The following PCSK5 variants were observed in gnomAD, a reference collection of about 807,000 sequenced individuals.
The protein encoded by PCSK5 is proprotein convertase subtilisin/kexin type 5.
Under a neutral mutation model 233.2 loss-of-function variants are expected in PCSK5, and 129 were observed. The ratio of observed to expected loss-of-function variants is 0.55; its 90% CI spans 0.48 to 0.64. PCSK5 has a LOEUF of 0.64. Ranked by LOEUF, PCSK5 falls within the 30% of genes least tolerant of loss-of-function variation. The pLI is 0.00. For missense variants in PCSK5, 2,076 were observed against 2,430.1 expected (o/e 0.85, Z 3.06); for synonymous variants, 825 against 879.2 (o/e 0.94, Z 1.09).
chr9:75,928,055 C>T (rs1423213851), intron 1 of PCSK5, among the ~76,000 whole-genome samples: 1 of 152,096 alleles, frequency 6.6e-6, no homozygotes, highest in Admixed American at 6.5e-5. Flanking sequence ...AAAAACTTGA[C>T]AGAATTAGGA....
chr9:76,338,160 A>G, intron 34 of PCSK5, 70 bp from the exon 35 acceptor site: 1 of 1,110,684 alleles, frequency 9.0e-7, no homozygotes, highest in Middle Eastern at 2.8e-4. Context: ...CCTGACCACC[A>G]TGTTTTTCCA....
At chr9:76,188,256 C>T (rs1824196669) in intron 17 of PCSK5, among the ~76,000 whole-genome samples, 1 of 152,118 alleles carries the variant, frequency 6.6e-6, no homozygotes, top group Non-Finnish European at 1.5e-5. Flanking sequence ...TTTTGTCAAT[C>T]AAATACTTTT....
At chr9:76,126,469 T>C (rs7038414) in intron 9 of PCSK5, among the ~76,000 whole-genome samples, 71,195 of 151,618 alleles carry the variant, frequency 0.47, 17,080 homozygotes, top group Admixed American at 0.52. Context: ...CAAAATTAGC[T>C]AGGCGTGATG....
intron 5 of PCSK5, among the ~76,000 whole-genome samples, chr9:76,042,755 TC>T (rs1272911752): frequency 2.6e-5 from 4 of 152,190 alleles, no homozygotes; most frequent in African/African-American, 9.6e-5. Flanking sequence ...TAAGAAGCAC[TC>T]CACTCCCACC....
At chr9:76,014,669 C>T (rs1271578135) in intron 3 of PCSK5, among the ~76,000 whole-genome samples, 5 of 152,120 alleles carry the variant, frequency 3.3e-5, no homozygotes, top group Non-Finnish European at 5.9e-5. Flanking sequence ...GCTATGTTAC[C>T]GCCCTTCTGA....
chr9:75,925,121 T>C (rs901875550), intron 1 of PCSK5, among the ~76,000 whole-genome samples: 6 of 152,210 alleles, frequency 3.9e-5, no homozygotes, highest in Non-Finnish European at 7.3e-5. Context: ...GTTCAGTGAT[T>C]TGAAGAAATC....
At position 76,350,360 on chromosome 9, in the gene PCSK5, C is replaced by A. The variant is rs1386787845; in HGVS notation, c.4967-468C>A. Among the ~76,000 whole-genome samples, 7 of 152,092 alleles carry A rather than the reference C, an allele frequency of 4.6e-5. No homozygotes were observed. The East Asian group carries it at 1.3e-3, about 29-fold the overall frequency. ...ATCACCACCCCAAAATTAAGAACCA[C>A]CAAACAAAATGATCTGCTGAGTCCT... is the stretch of plus-strand genomic sequence containing the variant. On this transcript the variant is annotated intron_variant, in intron 35 of 37. Transcript: ENST00000674117.
chr9:76,311,254 G>C (rs1420389599), intron 30 of PCSK5, among the ~76,000 whole-genome samples: 2 of 151,932 alleles, frequency 1.3e-5, no homozygotes, highest in African/African-American at 4.8e-5. Context: ...CTACTTGGGA[G>C]GCTAAGGTGG....
intron 24 of PCSK5, among the ~76,000 whole-genome samples, chr9:76,279,559 T>A (rs1469823897): frequency 6.6e-6 from 1 of 151,932 alleles, no homozygotes; most frequent in African/African-American, 2.4e-5. Flanking sequence ...TTTCTCCACA[T>A]CCTCTCCAGC....
rs1828806017 is a variant in PCSK5, at chr9:76,035,108, G to A, written c.632+8071G>A. On this transcript the variant is annotated intron_variant, in intron 5 of 37. Transcript: ENST00000674117. ...TCAAGTCAATAAATTCAAGCCCCTC[G>A]AATAAATTCTTCTCAGGTTATCTAT... 3.3e-5 allele frequency among the ~76,000 whole-genome samples: 5 copies of A among 152,242 alleles called. No homozygotes were observed. The South Asian group carries it at 6.2e-4, about 19-fold the overall frequency.
At chr9:75,923,418 G>C (rs1297563629) in intron 1 of PCSK5, among the ~76,000 whole-genome samples, 1 of 151,850 alleles carries the variant, frequency 6.6e-6, no homozygotes, top group Admixed American at 6.6e-5. Context: ...TTCATTTTGG[G>C]CTTCAGTTTG....
intron 4 of PCSK5, among the ~76,000 whole-genome samples, chr9:76,024,705 C>T (rs532506917): frequency 6.6e-6 from 1 of 152,274 alleles, no homozygotes; most frequent in Non-Finnish European, 1.5e-5. Flanking sequence ...GTCATTTTCT[C>T]CTCTTGAGAA....
chr9:76,156,728 G>A (rs1006461557), intron 10 of PCSK5, among the ~76,000 whole-genome samples: 3 of 152,206 alleles, frequency 2.0e-5, no homozygotes, highest in Non-Finnish European at 4.4e-5. Context: ...ATTAATGAAT[G>A]ATGATATAAT....
intron 10 of PCSK5, among the ~76,000 whole-genome samples, chr9:76,149,402 T>C (rs993001): frequency 0.043 from 6,546 of 152,228 alleles, 491 homozygotes; most frequent in East Asian, 0.33. Flanking sequence ...TTGAAATAAA[T>C]GTCAACTAAA....
At chr9:75,981,501 G>A (rs911418846) in intron 2 of PCSK5, among the ~76,000 whole-genome samples, 3 of 152,250 alleles carry the variant, frequency 2.0e-5, no homozygotes, top group African/African-American at 7.2e-5. Flanking sequence ...CACTTTTTAT[G>A]TATTATTTTT....
At chr9:75,944,274 C>T (rs1279931914) in intron 2 of PCSK5, among the ~76,000 whole-genome samples, 2 of 151,454 alleles carry the variant, frequency 1.3e-5, no homozygotes, top group African/African-American at 2.4e-5. Flanking sequence ...GATGTGTTCC[C>T]GTTTATGTTT....
chr9:75,922,015 A>G lies in PCSK5; in HGVS notation c.193-10364A>G, dbSNP rs959958374. Among the ~76,000 whole-genome samples, 23 of 152,296 alleles carry G rather than the reference A, an allele frequency of 1.5e-4. No homozygotes were observed. The Middle Eastern group carries it at 0.014, about 90-fold the overall frequency. On this transcript the variant is annotated intron_variant, in intron 1 of 37. Transcript: ENST00000674117. ...CAGTTGACACCAAGGGGTTGGCAGA[A>G]TCAAGTCAGGACATTATCCTCATGT... is the stretch of plus-strand genomic sequence containing the variant.
rs1342191530 is a variant in PCSK5 at position 76,352,751 on chromosome 9, T to A, written c.5068-1282T>A. Among the ~76,000 whole-genome samples the A allele has an allele frequency of 2.6e-5, 4 of 152,274 alleles. No individual in the cohort carries two copies. The East Asian group carries it at 7.7e-4, about 29-fold the overall frequency. ...GATGAAATTAACACAAACTAACATA[T>A]TTACATATGAGCACTCTTTAAATTC... On this transcript the variant is annotated intron_variant, in intron 36 of 37. Coordinates refer to ENST00000674117, the MANE Select transcript of PCSK5 (RefSeq NM_001372043.1).
chr9:76,123,476 A>G (rs972104494), intron 9 of PCSK5, among the ~76,000 whole-genome samples: 3 of 152,220 alleles, frequency 2.0e-5, no homozygotes, highest in African/African-American at 7.2e-5. Flanking sequence ...AACATGGCTT[A>G]CATTTACTTT....
Sources: allele counts gnomAD v4.1 joint callset (sites outside exome capture counted in the v4.1 genomes callset), GRCh38; gene constraint gnomAD v4.1.1; transcripts MANE v1.5; gene names NCBI Gene and HGNC (gene_info 2026-07-23, HGNC 2026-07-21).